RASGRF2: variants seen among roughly 807,000 people sequenced by gnomAD.
RASGRF2 encodes the protein Ras protein specific guanine nucleotide releasing factor 2, also known as ras-specific guanine nucleotide-releasing factor 2.
In RASGRF2, 76 loss-of-function variants were observed where a neutral mutation model predicts 151.0. The ratio of observed to expected loss-of-function variants is 0.50; its 90% confidence interval spans 0.42 to 0.61. The LOEUF (loss-of-function observed/expected upper bound fraction) is 0.61. Ranked by LOEUF, RASGRF2 falls within the 20% of genes least tolerant of loss-of-function variation. The probability of loss-of-function intolerance (pLI) is 0.00; values close to 1 mark genes in which losing one functional copy is unlikely to be tolerated. For missense variants in RASGRF2, 1,148 were observed against 1,564.6 expected, an observed-to-expected ratio of 0.73 and a Z score of 4.49; for synonymous variants, 504 against 566.5, an observed-to-expected ratio of 0.89 and a Z score of 1.57.
At chr5:81,206,408 C>T (rs1306601974) in intron 19 of RASGRF2, among the ~76,000 whole-genome samples, 2 of 152,130 alleles carry the variant, frequency 1.3e-5, no homozygotes, top group African/African-American at 4.8e-5. Flanking sequence ...AGGGGTGGCC[C>T]TGCGTCTCCT....
intron 8 of RASGRF2, 51 bp downstream of exon 8, chr5:81,085,962 G>A (rs779857882): frequency 6.2e-7 from 1 of 1,611,614 alleles, no homozygotes; most frequent in Non-Finnish European, 8.5e-7. Flanking sequence ...CAGCAAGTTA[G>A]TCTCTTGTGG....
intron 2 of RASGRF2, among the ~76,000 whole-genome samples, chr5:81,049,820 C>G (rs772287896): frequency 6.6e-6 from 1 of 152,132 alleles, no homozygotes; most frequent in Non-Finnish European, 1.5e-5. Context: ...AGGCTGACTC[C>G]AAAACCTATG....
intron 18 of RASGRF2, among the ~76,000 whole-genome samples, chr5:81,195,730 AG>A (rs942778900): frequency 1.5e-4 from 23 of 152,302 alleles, no homozygotes; most frequent in African/African-American, 5.1e-4. Context: ...ATCTAATTTT[AG>A]CCACAACCCC....
intron 1 of RASGRF2, among the ~76,000 whole-genome samples, chr5:80,966,405 T>C (rs1172416435): frequency 2.0e-5 from 3 of 152,174 alleles, no homozygotes; most frequent in African/African-American, 7.2e-5. Flanking sequence ...TAAATGAAAC[T>C]AGAAATGATA....
At chr5:81,137,769 G>A (rs1354050367) in intron 17 of RASGRF2, among the ~76,000 whole-genome samples, 1 of 152,220 alleles carries the variant, frequency 6.6e-6, no homozygotes, top group Non-Finnish European at 1.5e-5. Flanking sequence ...AGTCGCCACA[G>A]CTATGAGAAA....
intron 1 of RASGRF2, among the ~76,000 whole-genome samples, chr5:81,023,869 A>G (rs1428947288): frequency 6.6e-6 from 1 of 152,232 alleles, no homozygotes; most frequent in African/African-American, 2.4e-5. Flanking sequence ...ATCAGTTATA[A>G]GATTGCCCTT....
intron 1 of RASGRF2, among the ~76,000 whole-genome samples, chr5:80,994,140 C>T (rs80069411): frequency 0.11 from 16,063 of 151,808 alleles, 1,075 homozygotes; most frequent in East Asian, 0.27. Flanking sequence ...CCAGGGCGGG[C>T]GGATCACGAG....
intron 22 of RASGRF2, 30 bp downstream of exon 22, chr5:81,208,468 CGT>C (rs1407675456): frequency 6.9e-7 from 1 of 1,459,382 alleles, no homozygotes. Flanking sequence ...AAACCGTGGG[CGT>C]GTCACAAGAA....
chr5:81,041,945 T>C (rs538722481), intron 1 of RASGRF2, among the ~76,000 whole-genome samples: 45 of 152,338 alleles, frequency 3.0e-4, no homozygotes, highest in Admixed American at 9.8e-4. Context: ...ATATATAGTA[T>C]GTAACCTTTT....
intron 18 of RASGRF2, among the ~76,000 whole-genome samples, chr5:81,195,275 ACGTCTTATTCCAC>A (rs936076597): frequency 2.0e-5 from 3 of 152,092 alleles, no homozygotes; most frequent in African/African-American, 7.2e-5. Flanking sequence ...GCGCTCGGGT[ACGTCTTATTCCAC>A]CGTTTCAGGA....
At chr5:81,091,318 C>T (rs1337862248) in intron 9 of RASGRF2, among the ~76,000 whole-genome samples, 3 of 152,186 alleles carry the variant, frequency 2.0e-5, no homozygotes, top group Non-Finnish European at 2.9e-5. Context: ...TTCCTTGCTG[C>T]CTGGGCTGCC....
chr5:80,999,505 G>T (rs1232383150), intron 1 of RASGRF2, among the ~76,000 whole-genome samples: 6 of 151,946 alleles, frequency 3.9e-5, no homozygotes, highest in Non-Finnish European at 8.8e-5. Context: ...ACCATGCCTG[G>T]AATATTTATT....
intron 1 of RASGRF2, among the ~76,000 whole-genome samples, chr5:81,029,794 G>C (rs1052562708): frequency 6.6e-6 from 1 of 152,252 alleles, no homozygotes; most frequent in Non-Finnish European, 1.5e-5. Flanking sequence ...GCTGGACAGA[G>C]AATGACTTTG....
intron 1 of RASGRF2, among the ~76,000 whole-genome samples, chr5:80,966,187 G>T (rs972470010): frequency 6.6e-5 from 10 of 151,766 alleles, no homozygotes; most frequent in African/African-American, 2.2e-4. Flanking sequence ...TTGTTAGGCG[G>T]TTATATATTG....
At chr5:81,030,027 T>G in intron 1 of RASGRF2, among the ~76,000 whole-genome samples, 1 of 152,206 alleles carries the variant, frequency 6.6e-6, no homozygotes, top group Non-Finnish European at 1.5e-5. Context: ...AGTAGCCAAT[T>G]CGATCAAGTG....
At chr5:81,218,500 T>C (rs535537358) in intron 25 of RASGRF2, among the ~76,000 whole-genome samples, 25 of 152,336 alleles carry the variant, frequency 1.6e-4, no homozygotes, top group Admixed American at 1.2e-3. Flanking sequence ...TGAAGATTAG[T>C]TGGCTGTAAG....
At chr5:81,188,147 C>T (rs556172178) in intron 18 of RASGRF2, among the ~76,000 whole-genome samples, 5 of 152,290 alleles carry the variant, frequency 3.3e-5, no homozygotes, top group Non-Finnish European at 5.9e-5. Context: ...CTCATCCATC[C>T]GGGCTCGTGT....
intron 15 of RASGRF2, among the ~76,000 whole-genome samples, chr5:81,116,814 T>A (rs1753172101): frequency 6.6e-6 from 1 of 152,228 alleles, no homozygotes; most frequent in African/African-American, 2.4e-5. Context: ...ATGGCTTAGT[T>A]TACTTAGTGT....
chr5:81,172,538 TA>T (rs1420108655), intron 17 of RASGRF2, among the ~76,000 whole-genome samples: 2 of 151,366 alleles, frequency 1.3e-5, no homozygotes, highest in Admixed American at 1.3e-4. Context: ...GAGATGAACT[TA>T]AAAACTGAAG....
Sources: allele counts gnomAD v4.1 joint callset (sites outside exome capture counted in the v4.1 genomes callset), GRCh38; gene constraint gnomAD v4.1.1; transcripts MANE v1.5; gene names NCBI Gene and HGNC (gene_info 2026-07-23, HGNC 2026-07-21).